BICRA: variants seen among roughly 807,000 people sequenced by gnomAD.
BICRA encodes the protein BRD4-interacting chromatin-remodeling complex-associated protein.
Under a neutral mutation model 96.9 loss-of-function variants are expected in BICRA, and 31 were observed. The observed-to-expected ratio is 0.32, with a 90% CI of 0.24 to 0.43. The LOEUF (loss-of-function observed/expected upper bound fraction) is 0.43, where lower values mean the gene tolerates loss of function less well. Ranked by LOEUF, BICRA falls within the 20% of genes least tolerant of loss-of-function variation. BICRA has a pLI of 1.00. For synonymous variants in BICRA, 1,350 were observed against 1,071.8 expected, an observed-to-expected ratio of 1.26 and a Z score of -5.07; for missense variants, 2,283 against 2,190.3, an observed-to-expected ratio of 1.04 and a Z score of -0.84.
rs115526041 is a variant in BICRA, at chr19:47,620,516, A to G, written c.-108+11348A>G. On this transcript the variant is annotated intron_variant, in intron 1 of 14. Transcript: ENST00000594866. ...ACCCCGTCTCTACAAAAAAATACAA[A>G]AAGTAGCCGAGCATGGTGGTGCATG... 8.7e-3 allele frequency among the ~76,000 whole-genome samples: 1,316 copies of G among 151,876 alleles called. 14 individuals carry two copies. Among genetic ancestry groups the G allele is most frequent in the African/African-American group, 0.026 (1,075 of 41,398 alleles).
At chr19:47,665,390 C>T (rs1366412539) in intron 1 of BICRA, among the ~76,000 whole-genome samples, 3 of 152,228 alleles carry the variant, frequency 2.0e-5, no homozygotes, top group South Asian at 2.1e-4. Flanking sequence ...AAGTTCCTGT[C>T]CTGGGGGACA....
chr19:47,688,480 C>G (rs1973191661), intron 7 of BICRA, among the ~76,000 whole-genome samples: 1 of 151,934 alleles, frequency 6.6e-6, no homozygotes, highest in South Asian at 2.1e-4. Context: ...CCACTGTGTG[C>G]AAGCAGTTGG....
chr19:47,694,276 A>G lies in BICRA; in HGVS notation c.2445A>G (p.Ser815=). The G allele has an allele frequency of 1.9e-6, 1 of 529,814 alleles. No individual in the cohort carries two copies. Among genetic ancestry groups the G allele is most frequent in the Non-Finnish European group, 2.9e-6 (1 of 349,304 alleles). The allele number at this position is 529,814 out of a possible 1,614,324, so 32.8% of individuals were successfully genotyped here. A position where few individuals can be genotyped will look rare whatever the true frequency, so the allele number is the denominator to read the frequency against. Residue 815 remains serine, a synonymous_variant, in exon 8 of 15, where the codon TCA becomes TCG. Transcript: ENST00000594866. ...SRPQSVSRPP[S]EPPLHPCPPP... Reference sequence around the variant, plus strand: ...CACAGAGTGTGTCCCGCCCTCCCTCAGAGCCACCCTTGCACCCTTGCCCCC... The same window carrying G: ...CACAGAGTGTGTCCCGCCCTCCCTCGGAGCCACCCTTGCACCCTTGCCCCC...
Position 47,696,829 on chromosome 19 carries a change from CTGGGTGGGTGAAGTGA to C in BICRA, c.3248+326_3248+341del, listed in dbSNP as rs1011772162. 5.3e-5 allele frequency among the ~76,000 whole-genome samples: 8 copies of C among 150,830 alleles called. No homozygotes were observed. The East Asian group carries it at 5.8e-4, about 11-fold the overall frequency. ...TGGGCCGCGTCGGTGCTGAGCCCCA[CTGGGTGGGTGAAGTGA>C]TGGGTGGGGGAAGTGAGTGGGTGGA... On this transcript the variant is annotated intron_variant, in intron 11 of 14. Coordinates refer to ENST00000594866, the MANE Select transcript of BICRA (RefSeq NM_001394372.1).
intron 1 of BICRA, among the ~76,000 whole-genome samples, chr19:47,651,308 G>A (rs1478948488): frequency 1.3e-5 from 2 of 151,944 alleles, no homozygotes; most frequent in Non-Finnish European, 2.9e-5. Flanking sequence ...TCATGCTCAC[G>A]CCCTCATCAC....
intron 7 of BICRA, among the ~76,000 whole-genome samples, chr19:47,691,817 T>C (rs1235250905): frequency 6.6e-6 from 1 of 152,132 alleles, no homozygotes; most frequent in Non-Finnish European, 1.5e-5. Context: ...TGCCTTGGCC[T>C]CCCAAAGTGC....
intron 1 of BICRA, among the ~76,000 whole-genome samples, chr19:47,624,587 G>A (rs1023717511): frequency 3.9e-5 from 6 of 152,168 alleles, no homozygotes; most frequent in Non-Finnish European, 7.3e-5. Flanking sequence ...GATGCAGATA[G>A]ACTCACTGGA....
intron 6 of BICRA, 150 bp from the exon 7 acceptor site, chr19:47,681,826 G>T (rs111262762): frequency 3.2e-6 from 2 of 624,456 alleles, no homozygotes; most frequent in Non-Finnish European, 2.7e-6. Context: ...CCTGGGTTTC[G>T]GCCTCTGTGC....
In BICRA at chr19:47,694,341, T is replaced by C; in HGVS notation, c.2510T>C (p.Ile837Thr). Residue 837 changes from isoleucine to threonine, a missense_variant, in exon 8 of 15, where the codon ATC becomes ACC. Coordinates refer to ENST00000594866, the MANE Select transcript of BICRA (RefSeq NM_001394372.1). ...APPTLPGIFV[I>T]QNQLGVPPPA... ...CCAACTCTGCCTGGCATCTTTGTCA[T>C]CCAAAACCAGCTAGGCGTTCCCCCG... 3.9e-6 allele frequency: 4 copies of C among 1,023,600 alleles called. No homozygotes were observed. The highest frequency in any genetic ancestry group is 1.8e-5 in the African/African-American group (1 of 54,066). The allele number at this position is 1,023,600 out of a possible 1,614,324, so 63.4% of individuals were successfully genotyped here.
intron 3 of BICRA, 44 bp downstream of exon 3, chr19:47,673,659 C>G (rs372297380): frequency 3.9e-6 from 6 of 1,530,628 alleles, no homozygotes; most frequent in African/African-American, 1.4e-5. Flanking sequence ...TCTCAACCCC[C>G]TCCCTTCCCT....
At chr19:47,631,551 G>A (rs182606949) in intron 1 of BICRA, among the ~76,000 whole-genome samples, 38 of 152,180 alleles carry the variant, frequency 2.5e-4, no homozygotes, top group Non-Finnish European at 2.9e-5. Context: ...TTTTTGTAGA[G>A]GCAGGAACTC....
In BICRA at chr19:47,701,563, C is replaced by T. The variant is rs1325285772; in HGVS notation, c.3831C>T (p.Ala1277=). Residue 1277 remains alanine, a synonymous_variant, in exon 15 of 15, where the codon GCC becomes GCT. Transcript: ENST00000594866. The surrounding 1 kb of genome is among the most constrained non-coding windows in gnomAD (Gnocchi z 5.4). ...CCTCCTCTTCCTCCTCCTCCTCTGC[C>T]GCCTCCTCCTTGGACGCCGACGAGG... ...SLSSSSSSSS[A]ASSLDADEDG... is the part of the protein sequence containing the mutation. 1.3e-6 allele frequency: 2 copies of T among 1,552,118 alleles called. No homozygotes were observed. The highest frequency in any genetic ancestry group is 2.0e-5 in the Admixed American group (1 of 51,098).
rs550188229 is a variant in BICRA, at chr19:47,652,277, C to T, written c.-107-18166C>T. The stretch of plus-strand genomic sequence containing the variant: ...CATGGCTCACTGCAGCCTCGACCTC[C>T]CAGGCTCAAGCAATCCTCCTACCTC... On this transcript the variant is annotated intron_variant, in intron 1 of 14. Coordinates refer to ENST00000594866, the MANE Select transcript of BICRA (RefSeq NM_001394372.1). 7.9e-5 allele frequency among the ~76,000 whole-genome samples: 12 copies of T among 152,188 alleles called. No homozygotes were observed. The South Asian group carries it at 2.3e-3, about 29-fold the overall frequency.
rs1972741549 is a variant in BICRA at position 47,664,096 on chromosome 19, GC to G, written c.-107-6346del. Among the ~76,000 whole-genome samples the G allele has an allele frequency of 2.0e-5, 3 of 152,186 alleles. No individual in the cohort carries two copies. In the South Asian group the frequency reaches 6.2e-4, roughly 31 times the overall value. On this transcript the variant is annotated intron_variant, in intron 1 of 14. Transcript: ENST00000594866. Reference sequence around the variant, plus strand: ...AGGTGGGGAAATGGTGTTTTGAAAAGCAACAGATAGACTTTGCCACATCATT... The same window carrying G: ...AGGTGGGGAAATGGTGTTTTGAAAAGAACAGATAGACTTTGCCACATCATT...
chr19:47,702,837 CCAGA>C lies in BICRA; in HGVS notation c.*426_*429del, dbSNP rs1415929583. The C allele has an allele frequency of 1.1e-4, 22 of 200,614 alleles. No individual in the cohort carries two copies. Among genetic ancestry groups the C allele is most frequent in the Admixed American group, 4.5e-4 (7 of 15,666 alleles). The allele number at this position is 200,614 out of a possible 1,614,324, so 12.4% of individuals were successfully genotyped here. On this transcript the variant is annotated 3_prime_UTR_variant, in exon 15 of 15. Coordinates refer to ENST00000594866, the MANE Select transcript of BICRA (RefSeq NM_001394372.1). Reference sequence around the variant, plus strand: ...GGTGCTGGGAGCTGGCAGGGTCCTTCCAGACAGTCTCAGCCTCTCCCCGCCGCCC... The same window carrying C: ...GGTGCTGGGAGCTGGCAGGGTCCTTCCAGTCTCAGCCTCTCCCCGCCGCCC...
intron 5 of BICRA, 34 bp from the exon 6 acceptor site, chr19:47,679,287 C>G (rs772466906): frequency 1.4e-6 from 2 of 1,411,336 alleles, no homozygotes; most frequent in Non-Finnish European, 1.9e-6. Flanking sequence ...TTGCTAACCT[C>G]AGCTCTTTCC....
chr19:47,668,453 T>A (rs1011241158), intron 1 of BICRA, among the ~76,000 whole-genome samples: 4 of 151,656 alleles, frequency 2.6e-5, no homozygotes, highest in African/African-American at 9.7e-5. Flanking sequence ...TTTTGCAATC[T>A]GTTTAGTGCC....
At position 47,698,955 on chromosome 19, in the gene BICRA, T is replaced by A. The variant is rs771460418; in HGVS notation, c.3398-10T>A. 26 of 1,561,512 alleles carry A rather than the reference T, an allele frequency of 1.7e-5. No individual in the cohort carries two copies. The Admixed American group carries it at 2.8e-4, about 17-fold the overall frequency. ...CATCTCCGCCCTTGCCTCTCTTCCC[T>A]TCCTCGCAGTGGACGAGGAGTTTGA... is the stretch of plus-strand genomic sequence containing the variant. On this transcript the variant is annotated splice_polypyrimidine_tract_variant and intron_variant, in intron 12 of 14. Transcript: ENST00000594866. This position sits in a 1 kb window ranked among gnomAD's most constrained non-coding sequence, Gnocchi z 4.8.
chr19:47,681,384 CT>C (rs1568570998), intron 6 of BICRA, 108 bp downstream of exon 6: 1 of 968,568 alleles, frequency 1.0e-6, no homozygotes, highest in South Asian at 1.5e-5. Flanking sequence ...ACTGTGGCAG[CT>C]GGGGGGGGAA....
Sources: allele counts gnomAD v4.1 joint callset (sites outside exome capture counted in the v4.1 genomes callset), GRCh38; gene constraint gnomAD v4.1.1; non-coding constraint Gnocchi (gnomAD v3.1); transcripts MANE v1.5; gene names NCBI Gene and HGNC (gene_info 2026-07-23, HGNC 2026-07-21).